The following ZNF304 variants were observed in gnomAD, a reference collection of about 807,000 sequenced individuals.
The protein encoded by ZNF304 is KRAB-containing zinc finger protein.
A neutral mutation model predicts 7.8 loss-of-function variants in ZNF304; 7 were observed. The observed-to-expected ratio is 0.90, with a 90% CI of 0.51 to 1.69. The LOEUF (loss-of-function observed/expected upper bound fraction) is 1.69. Ranked by LOEUF, ZNF304 falls within the 40% of genes most tolerant of loss-of-function variation. The pLI is 0.00. For missense variants in ZNF304, 669 were observed against 804.8 expected (o/e 0.83, Z 2.04); for synonymous variants, 280 against 272.4 (o/e 1.03, Z -0.27).
Position 57,359,246 on chromosome 19 carries a change from C to G in ZNF304, c.*1397C>G, listed in dbSNP as rs2088391268. On this transcript the variant is annotated 3_prime_UTR_variant, in exon 3 of 3. Transcript: ENST00000282286. ...GAAGAGAGATCCAGGGATGGGTCTT[C>G]TCTGACCCAGCCAGCATTCCGAGTG... 1 of 152,232 alleles carries G rather than the reference C, an allele frequency of 6.6e-6. No homozygotes were observed. Among genetic ancestry groups the G allele is most frequent in the Non-Finnish European group, 1.5e-5 (1 of 68,054 alleles). The allele number at this position is 152,232 out of a possible 1,614,324, so 9.4% of individuals were successfully genotyped here. A position where few individuals can be genotyped will look rare whatever the true frequency, so the allele number is the denominator to read the frequency against.
chr19:57,351,474 T>G lies in ZNF304; in HGVS notation c.-191T>G. The G allele has an allele frequency of 1.6e-6, 1 of 636,620 alleles. No individual in the cohort carries two copies. The highest frequency in any genetic ancestry group is 2.7e-6 in the Non-Finnish European group (1 of 367,548). 39.4% of individuals were successfully genotyped at this position (636,620 alleles called of 1,614,324 possible). On this transcript the variant is annotated 5_prime_UTR_variant, in exon 1 of 3. Coordinates refer to ENST00000282286, the MANE Select transcript of ZNF304 (RefSeq NM_020657.4). The surrounding 1 kb of genome is among the most constrained non-coding windows in gnomAD (Gnocchi z 4.1). ...GCGGAGGTGTCTGCCGGGGCTGGGCTCTTACCGAGGCCTCCACACACGTCC... is the reference window on the plus strand; with the variant it reads ...GCGGAGGTGTCTGCCGGGGCTGGGCGCTTACCGAGGCCTCCACACACGTCC...
rs2088391798 is a variant in ZNF304, at chr19:57,359,297, C to T, written c.*1448C>T. On this transcript the variant is annotated 3_prime_UTR_variant, in exon 3 of 3. Transcript: ENST00000282286. ...ACTGAGGTGGATGTGGACATCATTG[C>T]TTACCAATTTTTACCAACATTGAGG... The T allele has an allele frequency of 6.6e-6, 1 of 152,218 alleles. No individual in the cohort carries two copies. Among genetic ancestry groups the T allele is most frequent in the Admixed American group, 6.5e-5 (1 of 15,276 alleles). The allele number at this position is 152,218 out of a possible 1,614,324, so 9.4% of individuals were successfully genotyped here.
Position 57,356,234 on chromosome 19 carries a change from G to A in ZNF304, c.365G>A (p.Cys122Tyr), listed in dbSNP as rs1408838448. ...CAGAAACTGTGCACACGTGGGCTGTGTAGGAGAAGATTCTCGTTCAGTGCA... is the reference window on the plus strand; with the variant it reads ...CAGAAACTGTGCACACGTGGGCTGTATAGGAGAAGATTCTCGTTCAGTGCA... The part of the protein sequence containing the change: ...LTQKLCTRGL[C>Y]RRRFSFSANF... The change falls in exon 3 of 3, where the codon TGT becomes TAT. Residue 122 changes from cysteine to tyrosine, a missense_variant. By Grantham distance (194) the Cys-to-Tyr change is radical. Coordinates refer to ENST00000282286, the MANE Select transcript of ZNF304 (RefSeq NM_020657.4). The A allele has an allele frequency of 6.2e-7, 1 of 1,614,214 alleles. No individual in the cohort carries two copies. Among genetic ancestry groups the A allele is most frequent in the Admixed American group, 1.7e-5 (1 of 60,032 alleles).
At position 57,357,817 on chromosome 19, in the gene ZNF304, G is replaced by A. The variant is rs761481388; in HGVS notation, c.1948G>A (p.Gly650Ser). The A allele has an allele frequency of 6.2e-7, 1 of 1,609,268 alleles. No individual in the cohort carries two copies. Among genetic ancestry groups the A allele is most frequent in the Non-Finnish European group, 8.5e-7 (1 of 1,178,326 alleles). Residue 650 changes from glycine to serine, a missense_variant, in exon 3 of 3, where the codon GGC (glycine) becomes AGC (serine). By Grantham distance (56) the Gly-to-Ser change is moderately conservative. Coordinates refer to ENST00000282286, the MANE Select transcript of ZNF304 (RefSeq NM_020657.4). ...ERAHECNSFG[G>S]PLAASLKLV Reference sequence around the variant, plus strand: ...AGCTCACGAGTGCAACAGTTTTGGTGGCCCTTTAGCTGCATCTCTTAAACT... The same window carrying A: ...AGCTCACGAGTGCAACAGTTTTGGTAGCCCTTTAGCTGCATCTCTTAAACT...
chr19:57,358,072 G>T lies in ZNF304; in HGVS notation c.*223G>T, dbSNP rs1042647615. The T allele has an allele frequency of 5.6e-6, 3 of 532,384 alleles. No individual in the cohort carries two copies. Among genetic ancestry groups the T allele is most frequent in the South Asian group, 6.5e-5 (2 of 30,844 alleles). The allele number at this position is 532,384 out of a possible 1,614,324, so 33.0% of individuals were successfully genotyped here. On this transcript the variant is annotated 3_prime_UTR_variant, in exon 3 of 3. Coordinates refer to ENST00000282286, the MANE Select transcript of ZNF304 (RefSeq NM_020657.4). ...ATGAGGTGTGTTGCACTTTGTAACT[G>T]TCTAGAGCTCTTGATGGAATTATAT...
Position 57,358,482 on chromosome 19 carries a change from C to T in ZNF304, c.*633C>T, listed in dbSNP as rs2088380057. The T allele has an allele frequency of 6.5e-6, 1 of 152,756 alleles. No individual in the cohort carries two copies. Among genetic ancestry groups the T allele is most frequent in the African/African-American group, 2.4e-5 (1 of 41,442 alleles). 9.5% of individuals were successfully genotyped at this position (152,756 alleles called of 1,614,324 possible). On this transcript the variant is annotated 3_prime_UTR_variant, in exon 3 of 3. Transcript: ENST00000282286. ...TTGTCCCATGCTGCTCTGATTTATA[C>T]AGTGATAAGGGCCTATTGTGGCAGT...
Position 57,357,995 on chromosome 19 carries a change from C to T in ZNF304, c.*146C>T. 1 of 1,007,934 alleles carries T rather than the reference C, an allele frequency of 9.9e-7. No individual in the cohort carries two copies. The highest frequency in any genetic ancestry group is 1.4e-6 in the Non-Finnish European group (1 of 694,388). The allele number at this position is 1,007,934 out of a possible 1,614,324, so 62.4% of individuals were successfully genotyped here. ...AGCTAGCAGATGAGCACCGTATATT[C>T]ATTCCACCCTGGGGAGATTCCTGAT... On this transcript the variant is annotated 3_prime_UTR_variant, in exon 3 of 3. Coordinates refer to ENST00000282286, the MANE Select transcript of ZNF304 (RefSeq NM_020657.4).
chr19:57,355,646 T>C (rs1489314067), intron 2 of ZNF304, among the ~76,000 whole-genome samples: 1 of 152,238 alleles, frequency 6.6e-6, no homozygotes, highest in Admixed American at 6.5e-5. Context: ...TGTCATGAGT[T>C]CTGCACATTA....
rs879632202 is a variant in ZNF304, at chr19:57,359,459, T to A, written c.*1610T>A. The A allele has an allele frequency of 5.3e-5, 8 of 152,250 alleles. No homozygotes were observed. The highest frequency in any genetic ancestry group is 8.8e-5 in the Non-Finnish European group (6 of 68,048). 9.4% of individuals were successfully genotyped at this position (152,250 alleles called of 1,614,324 possible). A position where few individuals can be genotyped will look rare whatever the true frequency, so the allele number is the denominator to read the frequency against. On this transcript the variant is annotated 3_prime_UTR_variant, in exon 3 of 3. Transcript: ENST00000282286. ...ATTTAATAGCTTTATGGAGGTATGA[T>A]TAACATGCAATAAACTGCAAATATG...
rs1467191440 is a variant in ZNF304, at chr19:57,359,198, A to G, written c.*1349A>G. On this transcript the variant is annotated 3_prime_UTR_variant, in exon 3 of 3. Transcript: ENST00000282286. ...GTCTCCCTGGGCAGTTGACCTGCAC[A>G]GACAGGAACCTCAGCAGTGACAGAA... The G allele has an allele frequency of 6.6e-6, 1 of 152,250 alleles. No individual in the cohort carries two copies. Among genetic ancestry groups the G allele is most frequent in the Non-Finnish European group, 1.5e-5 (1 of 68,046 alleles). 9.4% of individuals were successfully genotyped at this position (152,250 alleles called of 1,614,324 possible).
At chr19:57,354,500 AG>A (rs1198944777) in intron 2 of ZNF304, among the ~76,000 whole-genome samples, 5 of 152,214 alleles carry the variant, frequency 3.3e-5, no homozygotes, top group Non-Finnish European at 5.9e-5. Flanking sequence ...GTCCTCCCTC[AG>A]GTGGCCTGTC....
intron 1 of ZNF304, 38 bp from the exon 2 acceptor site, chr19:57,353,687 G>T (rs565433231): frequency 1.5e-4 from 244 of 1,576,014 alleles, no homozygotes; most frequent in Non-Finnish European, 2.0e-4. Flanking sequence ...TCTGGGGAGA[G>T]ATGCTGACTG....
At position 57,351,834 on chromosome 19, in the gene ZNF304, G is replaced by T. The variant is rs1361245449; in HGVS notation, c.33+137G>T. 3 of 948,130 alleles carry T rather than the reference G, an allele frequency of 3.2e-6. No homozygotes were observed. In the East Asian group the frequency reaches 8.1e-5, roughly 26 times the overall value. 58.7% of individuals were successfully genotyped at this position (948,130 alleles called of 1,614,324 possible). On this transcript the variant is annotated intron_variant, in intron 1 of 2. Transcript: ENST00000282286. The surrounding 1 kb of genome is among the most constrained non-coding windows in gnomAD (Gnocchi z 4.1). ...CCGCTCCCCTCATCAGTGGCATAAG[G>T]TGTGGAACGGACTCGAAGGCGCAGG... is the stretch of plus-strand genomic sequence containing the variant.
rs7250521 is a variant in ZNF304 at position 57,358,779 on chromosome 19, G to A, written c.*930G>A. ...CCAGTGAGGAGGGCATAGTTGGTGC[G>A]AAAATCTCCTGTGCTTGTGGAAGCA... On this transcript the variant is annotated 3_prime_UTR_variant, in exon 3 of 3. Transcript: ENST00000282286. 0.47 allele frequency: 70,770 copies of A among 152,090 alleles called. 17,700 individuals carry two copies. Among genetic ancestry groups the A allele is most frequent in the East Asian group, 0.66 (3,397 of 5,162 alleles). The allele number at this position is 152,090 out of a possible 1,614,324, so 9.4% of individuals were successfully genotyped here. A position where few individuals can be genotyped will look rare whatever the true frequency, so the allele number is the denominator to read the frequency against.
intron 1 of ZNF304, among the ~76,000 whole-genome samples, chr19:57,352,271 T>C (rs2088284737): frequency 6.6e-6 from 1 of 152,190 alleles, no homozygotes; most frequent in Admixed American, 6.5e-5. Flanking sequence ...ATAGTGATGA[T>C]ATCCTGGGAT....
At chr19:57,353,969 G>A (rs745905822) in intron 2 of ZNF304, 118 bp downstream of exon 2, 89 of 838,274 alleles carry the variant, frequency 1.1e-4, no homozygotes, top group Non-Finnish European at 1.5e-4. Flanking sequence ...TCTGGTTAGA[G>A]CATTTTTTGT....
Position 57,351,607 on chromosome 19 carries a change from G to A in ZNF304, c.-58G>A. On this transcript the variant is annotated 5_prime_UTR_variant, in exon 1 of 3. Coordinates refer to ENST00000282286, the MANE Select transcript of ZNF304 (RefSeq NM_020657.4). This position sits in a 1 kb window ranked among gnomAD's most constrained non-coding sequence, Gnocchi z 4.1. ...CACTCAGCCCGAGGGCGTCCAGCGCGGTGGAGGCGTGGGGTTTCGGCTGAG... is the reference window on the plus strand; with the variant it reads ...CACTCAGCCCGAGGGCGTCCAGCGCAGTGGAGGCGTGGGGTTTCGGCTGAG... The A allele has an allele frequency of 2.5e-6, 4 of 1,607,254 alleles. No homozygotes were observed. Among genetic ancestry groups the A allele is most frequent in the East Asian group, 2.2e-5 (1 of 44,826 alleles).
In ZNF304 at chr19:57,354,410, C is replaced by T. The variant is rs550887030; in HGVS notation, c.160+559C>T. Reference sequence around the variant, plus strand: ...TGAGAAGAATCCACTTACAAGCTCACTCACATTGCTTTTTGCAAGATTTAG... The same window carrying T: ...TGAGAAGAATCCACTTACAAGCTCATTCACATTGCTTTTTGCAAGATTTAG... On this transcript the variant is annotated intron_variant, in intron 2 of 2. Transcript: ENST00000282286. 5.1e-4 allele frequency among the ~76,000 whole-genome samples: 78 copies of T among 152,334 alleles called. 2 individuals carry two copies. The highest frequency in any genetic ancestry group is 2.2e-4 in the Non-Finnish European group (15 of 68,038).
rs1309274603 is a variant in ZNF304 at position 57,356,215 on chromosome 19, CTG to C, written c.349_350del (p.Cys117HisfsTer6). On this transcript the variant is annotated frameshift_variant, in exon 3 of 3. Coordinates refer to ENST00000282286, the MANE Select transcript of ZNF304 (RefSeq NM_020657.4). LOFTEE classifies it low-confidence loss of function (END_TRUNC). ...EHQGSHLTQK[L>X]CTRGLCRRRF... is the part of the protein sequence containing the mutation. ...CCAGGGATCACACCTTACACAGAAA[CTG>C]TGCACACGTGGGCTGTGTAGGAGAA... is the stretch of plus-strand genomic sequence containing the variant. The C allele has an allele frequency of 1.2e-6, 2 of 1,614,072 alleles. No homozygotes were observed. The highest frequency in any genetic ancestry group is 1.7e-6 in the Non-Finnish European group (2 of 1,180,042).
Sources: allele counts gnomAD v4.1 joint callset (sites outside exome capture counted in the v4.1 genomes callset), GRCh38; gene constraint gnomAD v4.1.1; non-coding constraint Gnocchi (gnomAD v3.1); transcripts MANE v1.5; gene names NCBI Gene and HGNC (gene_info 2026-07-23, HGNC 2026-07-21).